The following DNAI1 variants were observed in gnomAD, a reference collection of about 807,000 sequenced individuals.
DNAI1 encodes dynein, axonemal, intermediate polypeptide 1.
Under a neutral mutation model 92.0 loss-of-function variants are expected in DNAI1, and 67 were observed. The ratio of observed to expected loss-of-function variants is 0.73; its 90% CI spans 0.60 to 0.89. The LOEUF is 0.89. Ranked by LOEUF, DNAI1 falls within the 40% of genes least tolerant of loss-of-function variation. The pLI, the probability that DNAI1 is intolerant of heterozygous loss-of-function variation, is 0.00. For missense variants in DNAI1, 839 were observed against 866.6 expected (o/e 0.97, Z 0.40); for synonymous variants, 323 against 319.6 (o/e 1.01, Z -0.11).
intron 12 of DNAI1, among the ~76,000 whole-genome samples, chr9:34,502,455 C>G (rs974111589): frequency 6.6e-6 from 1 of 152,176 alleles, no homozygotes. Context: ...AACCCAGGCT[C>G]TCTGCCCAGG....
intron 13 of DNAI1, 90 bp from the exon 14 acceptor site, chr9:34,512,019 A>C: frequency 1.6e-6 from 2 of 1,265,596 alleles, no homozygotes; most frequent in South Asian, 2.4e-5. Flanking sequence ...TCTGAGCCTC[A>C]GATGGGTGCT....
chr9:34,475,030 A>G lies in DNAI1; in HGVS notation c.49-8418A>G, dbSNP rs1824212629. Among the ~76,000 whole-genome samples, 2 of 152,220 alleles carry G rather than the reference A, an allele frequency of 1.3e-5. 1 individual carries two copies. Among genetic ancestry groups the G allele is most frequent in the East Asian group, 3.8e-4 (2 of 5,200 alleles). On this transcript the variant is annotated intron_variant, in intron 1 of 19. Coordinates refer to ENST00000242317, the MANE Select transcript of DNAI1 (RefSeq NM_012144.4). The stretch of plus-strand genomic sequence containing the variant: ...GTGTGCCTGTTACCCTGCATAGACC[A>G]CTATTCAAAGTTTTAATATTTTCTT...
chr9:34,487,222 G>A (rs747838897), intron 4 of DNAI1, among the ~76,000 whole-genome samples: 6 of 150,672 alleles, frequency 4.0e-5, no homozygotes, highest in Admixed American at 2.6e-4. Context: ...TCGCTCTGTC[G>A]CCCAGGCTGG....
intron 18 of DNAI1, among the ~76,000 whole-genome samples, chr9:34,516,237 G>A (rs911571027): frequency 2.0e-5 from 3 of 152,160 alleles, no homozygotes; most frequent in Non-Finnish European, 4.4e-5. Context: ...GTAAGCAAGG[G>A]GCGAGAACAT....
At chr9:34,469,987 C>A (rs946311472) in intron 1 of DNAI1, among the ~76,000 whole-genome samples, 2 of 152,076 alleles carry the variant, frequency 1.3e-5, no homozygotes, top group Non-Finnish European at 2.9e-5. Context: ...AAATATGTGA[C>A]AACAATAGGG....
intron 15 of DNAI1, 67 bp from the exon 16 acceptor site, chr9:34,513,045 G>A (rs2132082428): frequency 1.6e-6 from 2 of 1,263,878 alleles, no homozygotes; most frequent in Non-Finnish European, 2.3e-6. Flanking sequence ...CCTCTGCTGA[G>A]TAGGGGAGGC....
chr9:34,501,008 G>A, intron 11 of DNAI1, 130 bp from the exon 12 acceptor site: 1 of 988,230 alleles, frequency 1.0e-6, no homozygotes, highest in Non-Finnish European at 1.6e-6. Flanking sequence ...GGACTCCCAA[G>A]TGGTGAGGGC....
chr9:34,497,297 G>GAGC, intron 10 of DNAI1, 98 bp downstream of exon 10: 1 of 906,466 alleles, frequency 1.1e-6, no homozygotes, highest in Non-Finnish European at 1.8e-6. Context: ...GCTCCTATAG[G>GAGC]TGCAAGCGGA....
Position 34,489,330 on chromosome 9 carries a change from C to T in DNAI1, c.269C>T (p.Thr90Ile). Residue 90 changes from threonine (T) to isoleucine (I), a missense_variant, in exon 5 of 20, where the codon ACA (threonine) becomes ATA (isoleucine). Transcript: ENST00000242317. Reference sequence around the variant, plus strand: ...CAGCCCCTCTCTTCTTAGGAAGGCACATATAAGCCTATTGGCTTTGTGAAC... The same window carrying T: ...CAGCCCCTCTCTTCTTAGGAAGGCATATATAAGCCTATTGGCTTTGTGAAC... ...NIVRYSFKEG[T>I]YKPIGFVNQL... The T allele has an allele frequency of 6.2e-7, 1 of 1,614,034 alleles. No homozygotes were observed. Among genetic ancestry groups the T allele is most frequent in the Non-Finnish European group, 8.5e-7 (1 of 1,179,942 alleles).
chr9:34,503,341 C>A (rs1356373200), intron 12 of DNAI1, among the ~76,000 whole-genome samples: 1 of 152,126 alleles, frequency 6.6e-6, no homozygotes, highest in African/African-American at 2.4e-5. Flanking sequence ...ACAGAAGGCA[C>A]CCTAGCTGCT....
intron 1 of DNAI1, among the ~76,000 whole-genome samples, chr9:34,461,078 G>A (rs1453510957): frequency 2.0e-5 from 3 of 152,044 alleles, no homozygotes; most frequent in Non-Finnish European, 4.4e-5. Flanking sequence ...TCCTGACCTC[G>A]TGATCTGCCC....
At chr9:34,490,629 A>G (rs1824571152) in intron 7 of DNAI1, 141 bp downstream of exon 7, 1 of 1,240,840 alleles carries the variant, frequency 8.1e-7, no homozygotes. Context: ...CTCCCCAAGG[A>G]GAGCTGAGAG....
intron 1 of DNAI1, among the ~76,000 whole-genome samples, chr9:34,483,224 C>G (rs990868748): frequency 1.3e-5 from 2 of 152,212 alleles, no homozygotes; most frequent in Non-Finnish European, 2.9e-5. Context: ...AAAGGGGCTC[C>G]CACAGTGCAG....
chr9:34,489,968 A>T lies in DNAI1; in HGVS notation c.389-44A>T. 3 of 1,608,508 alleles carry T rather than the reference A, an allele frequency of 1.9e-6. 1 individual carries two copies. In the South Asian group the frequency reaches 3.3e-5, roughly 18 times the overall value. On this transcript the variant is annotated intron_variant, in intron 5 of 19. Coordinates refer to ENST00000242317, the MANE Select transcript of DNAI1 (RefSeq NM_012144.4). ...AAAGCCCTCCCTGCCACAGATTGGG[A>T]GAGCAGGCTTAGACTTTGAACTCAT...
At chr9:34,468,887 AAATAAT>A (rs1288264179) in intron 1 of DNAI1, among the ~76,000 whole-genome samples, 1 of 151,974 alleles carries the variant, frequency 6.6e-6, no homozygotes, top group East Asian at 1.9e-4. Context: ...CTCCACTAAA[AAATAAT>A]AATAATAAAA....
chr9:34,492,842 T>C (rs1824637230), intron 8 of DNAI1, among the ~76,000 whole-genome samples: 1 of 151,924 alleles, frequency 6.6e-6, no homozygotes, highest in Non-Finnish European at 1.5e-5. Context: ...ATGTTCTAGT[T>C]CAGAGTCTTT....
At chr9:34,467,609 G>GT (rs1824062217) in intron 1 of DNAI1, among the ~76,000 whole-genome samples, 3 of 152,076 alleles carry the variant, frequency 2.0e-5, no homozygotes, top group Non-Finnish European at 4.4e-5. Flanking sequence ...ACTCCAGCAT[G>GT]GGCAACAGAG....
chr9:34,501,014 A>C, intron 11 of DNAI1, 124 bp from the exon 12 acceptor site: 1 of 1,002,048 alleles, frequency 1.0e-6, no homozygotes, highest in Non-Finnish European at 1.6e-6. Flanking sequence ...CCAAGTGGTG[A>C]GGGCCTAAGC....
At position 34,507,451 on chromosome 9, in the gene DNAI1, T is replaced by C. The variant is rs202111321; in HGVS notation, c.1311+577T>C. ...AAAATCATAAGGAAGAAAAAATATA[T>C]TTACTGTTCATTAAATGTAAGTGGA... On this transcript the variant is annotated intron_variant, in intron 13 of 19. Transcript: ENST00000242317. 4.6e-5 allele frequency among the ~76,000 whole-genome samples: 7 copies of C among 152,292 alleles called. 1 individual carries two copies. The East Asian group carries it at 1.3e-3, about 29-fold the overall frequency.
Sources: gnomAD v4.1 joint callset for allele counts (sites outside exome capture counted in the v4.1 genomes callset) on GRCh38, gnomAD v4.1.1 for gene constraint, MANE v1.5 for transcripts, NCBI Gene and HGNC (gene_info 2026-07-23, HGNC 2026-07-21) for gene names.